Variants in NMNAT2 observed in about 807,000 individuals in gnomAD.
NMNAT2 encodes the protein nicotinamide nucleotide adenylyltransferase 2, also known as nicotinamide/nicotinic acid mononucleotide adenylyltransferase 2.
Under a neutral mutation model 41.6 loss-of-function variants are expected in NMNAT2, and 11 were observed. The observed-to-expected ratio is 0.26, with a 90% CI of 0.17 to 0.44. The LOEUF (loss-of-function observed/expected upper bound fraction) is 0.44, where lower values mean the gene tolerates loss of function less well. Ranked by LOEUF, NMNAT2 falls within the 20% of genes least tolerant of loss-of-function variation. The probability of loss-of-function intolerance (pLI) is 1.00; values close to 1 mark genes in which losing one functional copy is unlikely to be tolerated. For synonymous variants in NMNAT2, 148 were observed against 151.2 expected, an observed-to-expected ratio of 0.98 and a Z score of 0.16; for missense variants, 288 against 407.7, an observed-to-expected ratio of 0.71 and a Z score of 2.53.
intron 1 of NMNAT2, among the ~76,000 whole-genome samples, chr1:183,315,158 A>G (rs1662216601): frequency 2.0e-5 from 3 of 152,212 alleles, no homozygotes; most frequent in African/African-American, 7.2e-5. Context: ...TATGGGGAAA[A>G]AATAGAGGCA....
intron 10 of NMNAT2, among the ~76,000 whole-genome samples, chr1:183,253,001 T>G (rs544489726): frequency 6.6e-6 from 1 of 152,300 alleles, no homozygotes; most frequent in African/African-American, 2.4e-5. Context: ...GTTTTTTTCC[T>G]GTAAAATGAG....
At position 183,315,849 on chromosome 1, in the gene NMNAT2, G is replaced by A. The variant is rs558257809; in HGVS notation, c.86-22056C>T. On this transcript the variant is annotated intron_variant, in intron 1 of 10. Coordinates refer to ENST00000287713, the MANE Select transcript of NMNAT2 (RefSeq NM_015039.4). ...TTGATGGGTGCAGCAAACCACCATG[G>A]CACGTGTATATCTATGTAATAAACC... is the stretch of plus-strand genomic sequence containing the variant. 9.3e-5 allele frequency among the ~76,000 whole-genome samples: 14 copies of A among 150,680 alleles called. No individual in the cohort carries two copies. The South Asian group carries it at 2.9e-3, about 32-fold the overall frequency.
chr1:183,295,210 C>T (rs1661657005), intron 1 of NMNAT2, among the ~76,000 whole-genome samples: 1 of 152,116 alleles, frequency 6.6e-6, no homozygotes, highest in East Asian at 1.9e-4. Context: ...ACGTGTCGGC[C>T]AGGCTGGCCT....
chr1:183,264,588 G>T (rs1438659099), intron 8 of NMNAT2, among the ~76,000 whole-genome samples: 1 of 152,156 alleles, frequency 6.6e-6, no homozygotes, highest in East Asian at 1.9e-4. Flanking sequence ...GAGAATTATG[G>T]GAGAAAATCT....
chr1:183,372,950 C>G (rs191129223), intron 1 of NMNAT2, among the ~76,000 whole-genome samples: 1 of 152,168 alleles, frequency 6.6e-6, no homozygotes. Context: ...ATTGGAGGGG[C>G]CAAGTGTCTT....
Position 183,284,047 on chromosome 1 carries a change from G to A in NMNAT2, c.530-8C>T. 1 of 1,611,332 alleles carries A rather than the reference G, an allele frequency of 6.2e-7. No homozygotes were observed. Among genetic ancestry groups the A allele is most frequent in the Admixed American group, 1.7e-5 (1 of 59,964 alleles). ...CCAGATTGGCATTCTCATCTAAGGAGGAAAGAAGGAAGGTAGGGCATTAGG... is the reference window on the plus strand; with the variant it reads ...CCAGATTGGCATTCTCATCTAAGGAAGAAAGAAGGAAGGTAGGGCATTAGG... On this transcript the variant is annotated splice_polypyrimidine_tract_variant and splice_region_variant and intron_variant, in intron 6 of 10. Coordinates refer to ENST00000287713, the MANE Select transcript of NMNAT2 (RefSeq NM_015039.4).
intron 1 of NMNAT2, among the ~76,000 whole-genome samples, chr1:183,413,035 C>A (rs1399409922): frequency 6.6e-6 from 1 of 152,140 alleles, no homozygotes; most frequent in African/African-American, 2.4e-5. Flanking sequence ...AAGAATTTTC[C>A]TGGCTGGCTC....
At chr1:183,394,965 C>T (rs1648593610) in intron 1 of NMNAT2, among the ~76,000 whole-genome samples, 2 of 152,134 alleles carry the variant, frequency 1.3e-5, no homozygotes, top group South Asian at 4.1e-4. Context: ...CCACAATATC[C>T]CCGGATGGCA....
intron 8 of NMNAT2, among the ~76,000 whole-genome samples, chr1:183,273,172 CT>C: frequency 6.6e-6 from 1 of 152,352 alleles, no homozygotes; most frequent in South Asian, 2.1e-4. Context: ...CATCACCTTC[CT>C]TTTTCTGTCC....
intron 1 of NMNAT2, among the ~76,000 whole-genome samples, chr1:183,413,993 C>T (rs967137206): frequency 3.0e-4 from 46 of 152,350 alleles, no homozygotes; most frequent in African/African-American, 8.9e-4. Flanking sequence ...AAAGCTCTCC[C>T]TGATATTAAC....
intron 1 of NMNAT2, 78 bp downstream of exon 1, chr1:183,418,105 C>T: frequency 7.3e-7 from 1 of 1,377,188 alleles, no homozygotes; most frequent in Non-Finnish European, 1.0e-6. Context: ...CCTTCCCGTT[C>T]GATCGCCCTG....
chr1:183,400,571 C>T (rs945757718), intron 1 of NMNAT2, among the ~76,000 whole-genome samples: 2 of 151,994 alleles, frequency 1.3e-5, no homozygotes, highest in Non-Finnish European at 2.9e-5. Context: ...TACTTTAAAG[C>T]TCATATGGAA....
At chr1:183,300,562 A>G (rs1443993948) in intron 1 of NMNAT2, among the ~76,000 whole-genome samples, 2 of 152,184 alleles carry the variant, frequency 1.3e-5, no homozygotes, top group African/African-American at 4.8e-5. Flanking sequence ...ACCCAGTCTA[A>G]GGTATTTTGT....
At chr1:183,281,884 G>A (rs1661280335) in intron 7 of NMNAT2, among the ~76,000 whole-genome samples, 1 of 152,254 alleles carries the variant, frequency 6.6e-6, no homozygotes, top group South Asian at 2.1e-4. Context: ...CACAGCGCAG[G>A]AGTCGGGAGG....
At chr1:183,284,191 A>G in intron 6 of NMNAT2, 152 bp from the exon 7 acceptor site, 1 of 638,600 alleles carries the variant, frequency 1.6e-6, no homozygotes, top group Non-Finnish European at 2.7e-6. Flanking sequence ...GGGTGAATGG[A>G]GAGCAGTCAG....
At chr1:183,412,069 TG>T (rs1459153439) in intron 1 of NMNAT2, among the ~76,000 whole-genome samples, 1 of 151,812 alleles carries the variant, frequency 6.6e-6, no homozygotes. Context: ...AGGGTGGAGG[TG>T]GGGGGCAGAG....
chr1:183,282,605 G>C (rs747341470), intron 7 of NMNAT2, among the ~76,000 whole-genome samples: 65 of 152,350 alleles, frequency 4.3e-4, no homozygotes, highest in Non-Finnish European at 6.8e-4. Context: ...TGGCCAAGGA[G>C]ACTGCGTGGG....
chr1:183,273,759 C>CCCTT (rs1170140362), intron 8 of NMNAT2, among the ~76,000 whole-genome samples: 1 of 148,880 alleles, frequency 6.7e-6, no homozygotes. Context: ...TTTTTTCCCT[C>CCCTT]CCTTCCTTCC....
At chr1:183,286,539 C>T in intron 5 of NMNAT2, 123 bp downstream of exon 5, 1 of 747,524 alleles carries the variant, frequency 1.3e-6, no homozygotes, top group South Asian at 2.2e-5. Flanking sequence ...ATTAAAAATA[C>T]AAGTCCTCTT....
Sources: gnomAD v4.1 joint callset for allele counts (sites outside exome capture counted in the v4.1 genomes callset) on GRCh38, gnomAD v4.1.1 for gene constraint, MANE v1.5 for transcripts, NCBI Gene and HGNC (gene_info 2026-07-23, HGNC 2026-07-21) for gene names.